NCAPD3: variants seen among roughly 807,000 people sequenced by gnomAD.
NCAPD3 encodes the protein non-SMC condensin II complex subunit D3.
NCAPD3 carries 105 observed loss-of-function variants against 182.9 expected under a neutral mutation model. That is an observed-to-expected ratio of 0.57 (90% CI 0.49 to 0.68). NCAPD3 has a LOEUF of 0.68. Ranked by LOEUF, NCAPD3 falls within the 30% of genes least tolerant of loss-of-function variation. The pLI is 0.00. For missense variants in NCAPD3, 1,944 were observed against 1,837.0 expected (o/e 1.06, Z -1.07); for synonymous variants, 815 against 679.9 (o/e 1.20, Z -3.09).
In NCAPD3 at chr11:134,161,787, A is replaced by G. The variant is rs1333632763; in HGVS notation, c.3678T>C (p.Tyr1226=). The change falls in exon 28 of 35, where the codon TAT becomes TAC. Residue 1226 remains tyrosine, a synonymous_variant. Transcript: ENST00000534548. ...KIPALRELMH[Y]LREVMQDYRD... ...GCACAGGCTCCACCCTTACCCTGAG[A>G]TAGTGCATGAGTTCCCGCAAAGCTG... 6.4e-7 allele frequency: 1 copy of G among 1,550,688 alleles called. No homozygotes were observed. Among genetic ancestry groups the G allele is most frequent in the Non-Finnish European group, 8.9e-7 (1 of 1,126,236 alleles).
chr11:134,159,048 TTTTC>T (rs1237124835), intron 29 of NCAPD3, among the ~76,000 whole-genome samples: 4 of 152,260 alleles, frequency 2.6e-5, no homozygotes, highest in South Asian at 2.1e-4. Context: ...ATGCACCCCA[TTTTC>T]TTTACCATTC....
rs757761093 is a variant in NCAPD3 at position 134,208,963 on chromosome 11, A to AG, written c.795-13dup. 15 of 1,564,254 alleles carry AG rather than the reference A, an allele frequency of 9.6e-6. No individual in the cohort carries two copies. Among genetic ancestry groups the AG allele is most frequent in the Non-Finnish European group, 1.3e-5 (15 of 1,144,590 alleles). ...CTTGGTTAAGAGCTCTAAAAAAAAAAGACGAAATATTAGTTAATGGATATG... is the reference window on the plus strand; with the variant it reads ...CTTGGTTAAGAGCTCTAAAAAAAAAAGGACGAAATATTAGTTAATGGATATG... On this transcript the variant is annotated splice_polypyrimidine_tract_variant and intron_variant, in intron 6 of 34. Transcript: ENST00000534548.
intron 27 of NCAPD3, among the ~76,000 whole-genome samples, chr11:134,165,485 GCACACTTGTGAGATGAGCTTACGGGAGCA>G (rs1943749616): frequency 6.9e-6 from 1 of 144,366 alleles, no homozygotes. Context: ...TGGGGGAGTG[GCACACTTGTGAGATGAGCTTACGGGAGCA>G]GCACACTCAC....
chr11:134,156,983 G>C, intron 32 of NCAPD3, 35 bp downstream of exon 32: 1 of 1,551,140 alleles, frequency 6.4e-7, no homozygotes, highest in Non-Finnish European at 8.9e-7. Context: ...AGGAGAGACT[G>C]AGGAGAAGCC....
chr11:134,165,833 G>C (rs1207810054), intron 27 of NCAPD3, among the ~76,000 whole-genome samples: 7 of 136,626 alleles, frequency 5.1e-5, no homozygotes, highest in Non-Finnish European at 7.9e-5. Context: ...CTTGGGGGAG[G>C]CGCACACTCG....
At chr11:134,177,728 T>A in intron 22 of NCAPD3, 1 of 436,666 alleles carries the variant, frequency 2.3e-6, no homozygotes, top group Non-Finnish European at 4.1e-6. Context: ...AAGTCAACAT[T>A]TGAATTTCGC....
chr11:134,192,701 CT>C lies in NCAPD3; in HGVS notation c.2032del (p.Ser678AlafsTer4). 6.2e-7 allele frequency: 1 copy of C among 1,613,978 alleles called. No individual in the cohort carries two copies. The highest frequency in any genetic ancestry group is 1.1e-5 in the South Asian group (1 of 91,072). On this transcript the variant is annotated frameshift_variant, in exon 16 of 35. Coordinates refer to ENST00000534548, the MANE Select transcript of NCAPD3 (RefSeq NM_015261.3). LOFTEE classifies it high-confidence loss of function. ...ACAGTTAACCTACCTCAGTTCCTGGCTTTCGGTGGTGAGGAGAGTAAGAAGC... is the reference window on the plus strand; with the variant it reads ...ACAGTTAACCTACCTCAGTTCCTGGCTTCGGTGGTGAGGAGAGTAAGAAGC... ...WALLTLLTTE[S>X]QELSRYLNKA...
At chr11:134,220,763 T>G in intron 1 of NCAPD3, 37 bp from the exon 2 acceptor site, 7 of 1,571,430 alleles carry the variant, frequency 4.5e-6, no homozygotes, top group Non-Finnish European at 6.1e-6. Context: ...AAGTACTCTG[T>G]AACAAGTAAA....
At chr11:134,157,147 G>C (rs762565145) in intron 31 of NCAPD3, 52 bp from the exon 32 acceptor site, 5 of 1,408,824 alleles carry the variant, frequency 3.5e-6, no homozygotes, top group Admixed American at 3.8e-5. Flanking sequence ...CAATAACGAA[G>C]AGCAAAACAA....
chr11:134,192,356 A>G (rs1253714260), intron 16 of NCAPD3, among the ~76,000 whole-genome samples: 1 of 152,230 alleles, frequency 6.6e-6, no homozygotes, highest in Non-Finnish European at 1.5e-5. Context: ...GGAGCTAGGA[A>G]GTCATCCTTC....
intron 24 of NCAPD3, among the ~76,000 whole-genome samples, chr11:134,172,819 C>T (rs917234784): frequency 6.6e-6 from 1 of 152,008 alleles, no homozygotes; most frequent in Non-Finnish European, 1.5e-5. Flanking sequence ...GAGAAGATTG[C>T]TTGAGCTCAG....
intron 24 of NCAPD3, among the ~76,000 whole-genome samples, chr11:134,171,377 GT>G (rs1944002945): frequency 6.6e-6 from 1 of 152,250 alleles, no homozygotes; most frequent in South Asian, 2.1e-4. Flanking sequence ...AGGCCACAAG[GT>G]AAGAGCCATG....
intron 24 of NCAPD3, among the ~76,000 whole-genome samples, chr11:134,174,316 G>A (rs1374334712): frequency 2.1e-5 from 3 of 144,322 alleles, no homozygotes; most frequent in Non-Finnish European, 4.5e-5. Flanking sequence ...CCAGGAGGTC[G>A]AGGCTGCAGG....
chr11:134,156,619 A>C (rs1943425738), intron 32 of NCAPD3, among the ~76,000 whole-genome samples: 1 of 152,148 alleles, frequency 6.6e-6, no homozygotes, highest in Non-Finnish European at 1.5e-5. Context: ...CAGAGCGTGC[A>C]TGGTACCTGC....
intron 13 of NCAPD3, among the ~76,000 whole-genome samples, chr11:134,196,645 CAA>C (rs998502328): frequency 5.2e-5 from 3 of 57,882 alleles, no homozygotes; most frequent in Admixed American, 1.8e-4. Flanking sequence ...AACTCCATCT[CAA>C]AAAAAAAAAA....
Position 134,204,964 on chromosome 11 carries a change from C to A in NCAPD3, c.1024G>T (p.Val342Leu). The change falls in exon 9 of 35, where the codon GTG becomes TTG. Residue 342 changes from valine to leucine, a missense_variant. Val to Leu is a conservative substitution (Grantham distance 32). Coordinates refer to ENST00000534548, the MANE Select transcript of NCAPD3 (RefSeq NM_015261.3). This position sits in a 1 kb window ranked among gnomAD's most constrained non-coding sequence, Gnocchi z 4.3. The stretch of plus-strand genomic sequence containing the variant: ...AATATACTCTCCTTTAATTCATCCA[C>A]AAGGGCGCTTTGTAAAAGAAAAACA... The part of the protein sequence containing the change: ...NQAVQFISAL[V>L]DELKESIFPV... The A allele has an allele frequency of 6.2e-7, 1 of 1,613,434 alleles. No homozygotes were observed. The highest frequency in any genetic ancestry group is 8.5e-7 in the Non-Finnish European group (1 of 1,179,440).
At chr11:134,194,228 C>G in intron 14 of NCAPD3, 78 bp from the exon 15 acceptor site, 14 of 1,412,830 alleles carry the variant, frequency 9.9e-6, no homozygotes, top group Non-Finnish European at 1.3e-5. Context: ...CAAAGGAACA[C>G]TTCCTTTAAG....
chr11:134,181,869 T>C (rs531819534), intron 19 of NCAPD3, among the ~76,000 whole-genome samples: 2 of 152,300 alleles, frequency 1.3e-5, no homozygotes, highest in Admixed American at 6.5e-5. Flanking sequence ...GATGACATTA[T>C]GTTGAAATTA....
rs1405632003 is a variant in NCAPD3 at position 134,194,061 on chromosome 11, C to T, written c.1779G>A (p.Val593=). ...ILQDQCRDPA[V]SVRKQALQSL... Reference sequence around the variant, plus strand: ...ACTGGAGGGCCTGCTTCCGGACAGACACTGCAGGGTCCCGACACTGGTCCT... The same window carrying T: ...ACTGGAGGGCCTGCTTCCGGACAGATACTGCAGGGTCCCGACACTGGTCCT... The change falls in exon 15 of 35, where the codon GTG becomes GTA. Residue 593 remains valine (V), a synonymous_variant. Coordinates refer to ENST00000534548, the MANE Select transcript of NCAPD3 (RefSeq NM_015261.3). 1 of 1,614,032 alleles carries T rather than the reference C, an allele frequency of 6.2e-7. No individual in the cohort carries two copies. Among genetic ancestry groups the T allele is most frequent in the Non-Finnish European group, 8.5e-7 (1 of 1,179,992 alleles).
Sources: allele counts gnomAD v4.1 joint callset (sites outside exome capture counted in the v4.1 genomes callset), GRCh38; gene constraint gnomAD v4.1.1; non-coding constraint Gnocchi (gnomAD v3.1); transcripts MANE v1.5; gene names NCBI Gene and HGNC (gene_info 2026-07-23, HGNC 2026-07-21).